Variants in HPGDS observed in about 807,000 individuals in gnomAD.
HPGDS encodes the protein hematopoietic prostaglandin D synthase.
HPGDS carries 26 observed loss-of-function variants against 23.1 expected under a neutral mutation model. That is an observed-to-expected ratio of 1.13 (90% CI 0.83 to 1.56). HPGDS has a LOEUF of 1.56. Ranked by LOEUF, HPGDS falls within the 40% of genes most tolerant of loss-of-function variation. The pLI is 0.00. For missense variants in HPGDS, 268 were observed against 236.4 expected (o/e 1.13, Z -0.88); for synonymous variants, 95 against 77.9 (o/e 1.22, Z -1.16).
At chr4:94,331,421 T>A (rs1268553310) in intron 2 of HPGDS, among the ~76,000 whole-genome samples, 1 of 152,218 alleles carries the variant, frequency 6.6e-6, no homozygotes, top group African/African-American at 2.4e-5. Flanking sequence ...TCTGTTAGAT[T>A]TTTCTCAAAT....
At chr4:94,322,033 T>C (rs10010986) in intron 2 of HPGDS, among the ~76,000 whole-genome samples, 4,337 of 152,274 alleles carry the variant, frequency 0.028, 198 homozygotes, top group African/African-American at 0.099. Flanking sequence ...ATGTGGTTTT[T>C]GTCTTTGGTT....
At chr4:94,314,509 C>G (rs1367454009) in intron 3 of HPGDS, among the ~76,000 whole-genome samples, 1 of 152,164 alleles carries the variant, frequency 6.6e-6, no homozygotes, top group East Asian at 1.9e-4. Flanking sequence ...CGTTTTGTCT[C>G]AGAGGGGTAC....
chr4:94,328,386 T>C (rs531629692), intron 2 of HPGDS, among the ~76,000 whole-genome samples: 1 of 152,370 alleles, frequency 6.6e-6, no homozygotes, highest in East Asian at 1.9e-4. Context: ...GAGGGACTAT[T>C]TGAAATGTAT....
intron 2 of HPGDS, among the ~76,000 whole-genome samples, chr4:94,329,123 A>AT (rs987411260): frequency 2.0e-5 from 3 of 152,046 alleles, no homozygotes; most frequent in Non-Finnish European, 2.9e-5. Flanking sequence ...AAAATGCGTA[A>AT]TTTTTTTGTC....
intron 4 of HPGDS, among the ~76,000 whole-genome samples, chr4:94,305,862 T>C (rs1345528280): frequency 2.0e-5 from 3 of 152,120 alleles, no homozygotes; most frequent in African/African-American, 4.8e-5. Flanking sequence ...GATGAGGCTA[T>C]GGGATCTAAA....
At chr4:94,308,076 A>G (rs1257908725) in intron 4 of HPGDS, among the ~76,000 whole-genome samples, 1 of 152,150 alleles carries the variant, frequency 6.6e-6, no homozygotes, top group Non-Finnish European at 1.5e-5. Flanking sequence ...AATGAGATAT[A>G]TAGGGGATGG....
intron 1 of HPGDS, among the ~76,000 whole-genome samples, chr4:94,340,650 C>T (rs1431233157): frequency 4.5e-5 from 1 of 22,466 alleles, no homozygotes; most frequent in Non-Finnish European, 7.4e-5. Context: ...GCCCCCCTCC[C>T]TTTTTTTTTT....
chr4:94,316,040 T>C (rs949441277), intron 3 of HPGDS, among the ~76,000 whole-genome samples: 2 of 152,198 alleles, frequency 1.3e-5, no homozygotes, highest in Non-Finnish European at 2.9e-5. Context: ...CTCCTTTTTT[T>C]ACCCAACAAA....
intron 1 of HPGDS, among the ~76,000 whole-genome samples, chr4:94,341,263 CATTGAAAAA>C (rs1721165875): frequency 6.6e-6 from 1 of 152,086 alleles, no homozygotes; most frequent in Non-Finnish European, 1.5e-5. Context: ...TTAACATAAT[CATTGAAAAA>C]ATTACAAACT....
chr4:94,323,375 C>A (rs1425638492), intron 2 of HPGDS, among the ~76,000 whole-genome samples: 1 of 152,098 alleles, frequency 6.6e-6, no homozygotes, highest in Non-Finnish European at 1.5e-5. Flanking sequence ...TAAAGTCTCC[C>A]ATTATTATTG....
At chr4:94,311,463 C>T (rs1756270755) in intron 3 of HPGDS, among the ~76,000 whole-genome samples, 4 of 151,248 alleles carry the variant, frequency 2.6e-5, no homozygotes, top group Admixed American at 1.3e-4. Context: ...TATGTTGAAC[C>T]AGCCTTGCAT....
At chr4:94,320,766 A>G (rs545690589) in intron 2 of HPGDS, among the ~76,000 whole-genome samples, 102 of 152,286 alleles carry the variant, frequency 6.7e-4, no homozygotes, top group African/African-American at 2.3e-3. Context: ...CCTTAGTTTA[A>G]TTAGATCCCA....
chr4:94,314,557 GTGCC>G (rs1417825031), intron 3 of HPGDS, among the ~76,000 whole-genome samples: 2 of 152,304 alleles, frequency 1.3e-5, no homozygotes, highest in Non-Finnish European at 1.5e-5. Context: ...CTACTCGGGG[GTGCC>G]TCCCAGTTAG....
intron 1 of HPGDS, among the ~76,000 whole-genome samples, chr4:94,336,205 CAAAA>C (rs11349997): frequency 5.8e-5 from 7 of 119,842 alleles, no homozygotes; most frequent in Non-Finnish European, 8.8e-5. Context: ...GACGCCGTCT[CAAAA>C]AAAAAAAAAA....
chr4:94,315,283 G>A (rs113592544), intron 3 of HPGDS, among the ~76,000 whole-genome samples: 1,563 of 152,258 alleles, frequency 0.01, 20 homozygotes, highest in African/African-American at 0.035. Context: ...TCTTGGAACT[G>A]CCTCTCCCAC....
chr4:94,335,502 T>C (rs111825808), intron 1 of HPGDS, among the ~76,000 whole-genome samples: 2,380 of 152,324 alleles, frequency 0.016, 59 homozygotes, highest in African/African-American at 0.054. Flanking sequence ...GAGAAAGAAA[T>C]GTTTTCATTT....
At chr4:94,330,710 A>G (rs560815204) in intron 2 of HPGDS, among the ~76,000 whole-genome samples, 1 of 151,552 alleles carries the variant, frequency 6.6e-6, no homozygotes, top group Non-Finnish European at 1.5e-5. Context: ...TTTTTCATTT[A>G]TTTGTCCTAT....
At chr4:94,312,118 T>G (rs890824360) in intron 3 of HPGDS, among the ~76,000 whole-genome samples, 1 of 152,072 alleles carries the variant, frequency 6.6e-6, no homozygotes, top group Non-Finnish European at 1.5e-5. Flanking sequence ...TTTTGAAGGG[T>G]TTTTTGTGTC....
At chr4:94,309,803 C>T (rs1355783844) in intron 3 of HPGDS, among the ~76,000 whole-genome samples, 2 of 151,900 alleles carry the variant, frequency 1.3e-5, no homozygotes, top group Non-Finnish European at 2.9e-5. Flanking sequence ...TGTTTCCTGA[C>T]TTTTTAATGA....
Sources: gnomAD v4.1 joint callset for allele counts (sites outside exome capture counted in the v4.1 genomes callset) on GRCh38, gnomAD v4.1.1 for gene constraint, MANE v1.5 for transcripts, NCBI Gene and HGNC (gene_info 2026-07-23, HGNC 2026-07-21) for gene names.